The following MAGI3 variants were observed in gnomAD, a reference collection of about 807,000 sequenced individuals.
The protein encoded by MAGI3 is membrane-associated guanylate kinase, WW and PDZ domain-containing protein 3.
Under a neutral mutation model 121.8 loss-of-function variants are expected in MAGI3, and 43 were observed. The observed-to-expected ratio is 0.35, with a 90% CI of 0.28 to 0.46. The LOEUF is 0.46. Ranked by LOEUF, MAGI3 falls within the 20% of genes least tolerant of loss-of-function variation. The pLI, the probability that MAGI3 is intolerant of heterozygous loss-of-function variation, is 1.00. For synonymous variants in MAGI3, 553 were observed against 639.3 expected, an observed-to-expected ratio of 0.86 and a Z score of 2.04; for missense variants, 1,547 against 1,797.3, an observed-to-expected ratio of 0.86 and a Z score of 2.52.
chr1:113,646,541 C>T lies in MAGI3; in HGVS notation c.2054C>T (p.Pro685Leu), dbSNP rs777728701. 9 of 1,613,108 alleles carry T rather than the reference C, an allele frequency of 5.6e-6. No homozygotes were observed. The East Asian group carries it at 2.0e-4, about 36-fold the overall frequency. The change falls in exon 12 of 21, where the codon CCT (proline) becomes CTT (leucine). Residue 685 changes from proline to leucine, a missense_variant. Physicochemically the swap from Pro to Leu is moderately conservative, Grantham distance 98 (BLOSUM62 -3). Transcript: ENST00000307546. ...TTGGAGGCCATAAATGAGCCTATTC[C>T]TCAGCCTATGCCTTTTCCACCGAGC... ...GSLEAINEPIPQPMPFPPSII... is the reference protein window; with the variant it reads ...GSLEAINEPILQPMPFPPSII...
rs528446548 is a variant in MAGI3, at chr1:113,610,123, T to TTTTG, written c.1019-4454_1019-4451dup. On this transcript the variant is annotated intron_variant, in intron 6 of 20. Coordinates refer to ENST00000307546, the MANE Select transcript of MAGI3 (RefSeq NM_001142782.2). ...TGCCTAACAGCTTTACAAAGCGTTT[T>TTTTG]TTTGTTTGTTTGTTTGTTTGTTTGT... is the stretch of plus-strand genomic sequence containing the variant. 5.0e-3 allele frequency among the ~76,000 whole-genome samples: 766 copies of TTTTG among 152,146 alleles called. 7 individuals carry two copies. Among genetic ancestry groups the TTTTG allele is most frequent in the South Asian group, 0.015 (74 of 4,814 alleles).
At chr1:113,430,358 A>G (rs752323669) in intron 1 of MAGI3, among the ~76,000 whole-genome samples, 4 of 152,180 alleles carry the variant, frequency 2.6e-5, no homozygotes, top group Non-Finnish European at 5.9e-5. Flanking sequence ...CATTGATCAG[A>G]TATGGAGCCA....
rs1292355709 is a variant in MAGI3, at chr1:113,594,540, CT to C, written c.999del (p.Glu334LysfsTer15). ...CGTCTTTGTAAGAAAGCCAAAGCCCCTGAAGACTGTGAAGATGGAGGTAGAG... is the reference window on the plus strand; with the variant it reads ...CGTCTTTGTAAGAAAGCCAAAGCCCCGAAGACTGTGAAGATGGAGGTAGAG... Reference protein sequence around the residue: ...DPRLCKKAKAPEDCEDGELPY... With the variant: ...DPRLCKKAKAXEDCEDGELPY... On this transcript the variant is annotated frameshift_variant, in exon 6 of 21. Transcript: ENST00000307546. LOFTEE classifies it high-confidence loss of function. 6.2e-7 allele frequency: 1 copy of C among 1,613,144 alleles called. No individual in the cohort carries two copies. The highest frequency in any genetic ancestry group is 8.5e-7 in the Non-Finnish European group (1 of 1,179,418).
rs765835382 is a variant in MAGI3 at position 113,672,608 on chromosome 1, CTT to C, written c.2919-6_2919-5del. On this transcript the variant is annotated splice_region_variant and splice_polypyrimidine_tract_variant and intron_variant, in intron 17 of 20. Coordinates refer to ENST00000307546, the MANE Select transcript of MAGI3 (RefSeq NM_001142782.2). ...TCAGAGAGTGACTTGATTTCTCTCT[CTT>C]GTAGAAGTGCCCTAGAAGGTGAAAT... 4 of 1,611,006 alleles carry C rather than the reference CTT, an allele frequency of 2.5e-6. No individual in the cohort carries two copies. The highest frequency in any genetic ancestry group is 2.7e-5 in the African/African-American group (2 of 74,872).
intron 6 of MAGI3, among the ~76,000 whole-genome samples, chr1:113,606,734 C>T (rs1649797790): frequency 6.6e-6 from 1 of 152,066 alleles, no homozygotes; most frequent in Non-Finnish European, 1.5e-5. Context: ...ATATACGTAC[C>T]ATTCTCATAA....
chr1:113,625,298 T>C (rs1651163533), intron 9 of MAGI3, among the ~76,000 whole-genome samples: 1 of 152,222 alleles, frequency 6.6e-6, no homozygotes, highest in Admixed American at 6.5e-5. Flanking sequence ...GTTTGGGTAG[T>C]ATTGAAAAGA....
intron 6 of MAGI3, 127 bp from the exon 7 acceptor site, chr1:113,614,474 T>C: frequency 1.4e-6 from 1 of 736,446 alleles, no homozygotes; most frequent in Non-Finnish European, 2.4e-6. Flanking sequence ...TGTTTGTTCC[T>C]TGAAAGTGAG....
At chr1:113,424,204 G>GCC (rs1232698002) in intron 1 of MAGI3, among the ~76,000 whole-genome samples, 2 of 70,478 alleles carry the variant, frequency 2.8e-5, no homozygotes, top group Non-Finnish European at 2.9e-5. Context: ...CCCGCCGCCT[G>GCC]CCCCCCCGCC....
At chr1:113,554,616 A>G (rs1659913361) in intron 2 of MAGI3, among the ~76,000 whole-genome samples, 1 of 152,108 alleles carries the variant, frequency 6.6e-6, no homozygotes, top group Admixed American at 6.5e-5. Flanking sequence ...AAATACAGGC[A>G]GAACAGGACT....
At chr1:113,597,388 G>A (rs569913602) in intron 6 of MAGI3, among the ~76,000 whole-genome samples, 14 of 152,278 alleles carry the variant, frequency 9.2e-5, no homozygotes, top group African/African-American at 3.4e-4. Flanking sequence ...CTGGATTGTG[G>A]TGATGGTTGT....
chr1:113,446,860 G>A (rs1233739092), intron 1 of MAGI3, among the ~76,000 whole-genome samples: 1 of 152,150 alleles, frequency 6.6e-6, no homozygotes, highest in African/African-American at 2.4e-5. Flanking sequence ...GCCACAACAT[G>A]GATGAATCTT....
At chr1:113,411,699 G>C (rs1651998846) in intron 1 of MAGI3, among the ~76,000 whole-genome samples, 1 of 150,164 alleles carries the variant, frequency 6.7e-6, no homozygotes, top group Admixed American at 6.6e-5. Context: ...TCTGAATCTT[G>C]AATACAAATT....
chr1:113,585,561 A>T lies in MAGI3; in HGVS notation c.728A>T (p.Glu243Val). ...DSSLPEEEED[E>V]DKEAINGSGN... ...TCTCTTCCTGAAGAGGAAGAAGATG[A>T]GGACAAGGAAGCTATTAATGGCAGT... Residue 243 changes from glutamate to valine, a missense_variant, in exon 4 of 21, where the codon GAG becomes GTG. Coordinates refer to ENST00000307546, the MANE Select transcript of MAGI3 (RefSeq NM_001142782.2). The T allele has an allele frequency of 6.2e-7, 1 of 1,614,150 alleles. No homozygotes were observed. The highest frequency in any genetic ancestry group is 8.5e-7 in the Non-Finnish European group (1 of 1,179,998).
At chr1:113,629,155 G>A (rs1050236049) in intron 9 of MAGI3, among the ~76,000 whole-genome samples, 28 of 151,832 alleles carry the variant, frequency 1.8e-4, no homozygotes, top group African/African-American at 6.1e-4. Context: ...CAAATAGGCT[G>A]TCTTCAAGCT....
chr1:113,639,883 T>C (rs1652342175), intron 9 of MAGI3, among the ~76,000 whole-genome samples: 1 of 152,104 alleles, frequency 6.6e-6, no homozygotes. Flanking sequence ...TTTTTGTATT[T>C]TAGTAGAGAT....
At chr1:113,568,995 A>G (rs1402040471) in intron 2 of MAGI3, among the ~76,000 whole-genome samples, 2 of 152,140 alleles carry the variant, frequency 1.3e-5, no homozygotes, top group Non-Finnish European at 2.9e-5. Context: ...AAGGTGAAAA[A>G]ATCAGAATGT....
intron 6 of MAGI3, among the ~76,000 whole-genome samples, chr1:113,599,131 T>C (rs921224052): frequency 6.6e-6 from 1 of 152,032 alleles, no homozygotes; most frequent in South Asian, 2.1e-4. Context: ...AGAGCCAAAA[T>C]TGACATCCTA....
rs1651048790 is a variant in MAGI3 at position 113,623,931 on chromosome 1, A to T, written c.1360+937A>T. Among the ~76,000 whole-genome samples, 2 of 152,120 alleles carry T rather than the reference A, an allele frequency of 1.3e-5. 1 individual carries two copies. The highest frequency in any genetic ancestry group is 4.1e-4 in the South Asian group (2 of 4,828). Reference sequence around the variant, plus strand: ...TAGTTCAGTTGTTTTAATTTTTAGCATCCACAAAGAAATGAGAGCATTCAA... The same window carrying T: ...TAGTTCAGTTGTTTTAATTTTTAGCTTCCACAAAGAAATGAGAGCATTCAA... On this transcript the variant is annotated intron_variant, in intron 9 of 20. Coordinates refer to ENST00000307546, the MANE Select transcript of MAGI3 (RefSeq NM_001142782.2).
chr1:113,538,082 G>A (rs186159290), intron 1 of MAGI3, among the ~76,000 whole-genome samples: 1 of 152,110 alleles, frequency 6.6e-6, no homozygotes, highest in African/African-American at 2.4e-5. Context: ...CTATTAAATT[G>A]TTCCTTTCAT....
Sources: allele counts gnomAD v4.1 joint callset (sites outside exome capture counted in the v4.1 genomes callset), GRCh38; gene constraint gnomAD v4.1.1; transcripts MANE v1.5; gene names NCBI Gene and HGNC (gene_info 2026-07-23, HGNC 2026-07-21).